ALDH1L1: variants seen among roughly 807,000 people sequenced by gnomAD.
ALDH1L1 encodes the protein cytosolic 10-formyltetrahydrofolate dehydrogenase.
A neutral mutation model predicts 101.1 loss-of-function variants in ALDH1L1; 68 were observed. That is an observed-to-expected ratio of 0.67 (90% confidence interval 0.55 to 0.82). ALDH1L1 has a LOEUF of 0.82. Ranked by LOEUF, ALDH1L1 falls within the 40% of genes least tolerant of loss-of-function variation. The pLI, the probability that ALDH1L1 is intolerant of heterozygous loss-of-function variation, is 0.00. For synonymous variants in ALDH1L1, 486 were observed against 470.8 expected, an observed-to-expected ratio of 1.03 and a Z score of -0.42; for missense variants, 1,087 against 1,172.7, an observed-to-expected ratio of 0.93 and a Z score of 1.07.
chr3:126,180,994 G>A, upstream of ALDH1L1: 1 of 1,608,852 alleles, frequency 6.2e-7, no homozygotes, highest in South Asian at 1.1e-5. Flanking sequence ...CAGAGCGAAA[G>A]GAGACGCTGC....
intron 9 of ALDH1L1, among the ~76,000 whole-genome samples, chr3:126,144,488 G>T (rs1167538065): frequency 6.6e-6 from 1 of 152,178 alleles, no homozygotes; most frequent in African/African-American, 2.4e-5. Context: ...AAAATAGTAT[G>T]ATACTGGCAT....
intron 19 of ALDH1L1, among the ~76,000 whole-genome samples, chr3:126,111,888 G>A (rs1946090858): frequency 6.6e-6 from 1 of 152,184 alleles, no homozygotes; most frequent in Non-Finnish European, 1.5e-5. Flanking sequence ...TCCCCCCCTG[G>A]TATCATGGCC....
chr3:126,129,208 G>A (rs1170705689), intron 14 of ALDH1L1: 2 of 152,262 alleles, frequency 1.3e-5, no homozygotes, highest in African/African-American at 4.8e-5. Flanking sequence ...TTTCCCACAG[G>A]AGCCTCCTCC....
chr3:126,172,758 C>T (rs1489666917), intron 1 of ALDH1L1, among the ~76,000 whole-genome samples: 1 of 151,208 alleles, frequency 6.6e-6, no homozygotes, highest in Non-Finnish European at 1.5e-5. Context: ...TAAAGATCAC[C>T]CCCCACCCCC....
chr3:126,109,839 G>T lies in ALDH1L1; in HGVS notation c.2347+105C>A. The T allele has an allele frequency of 2.0e-6, 3 of 1,495,166 alleles. No individual in the cohort carries two copies. In the South Asian group the frequency reaches 3.8e-5, roughly 19 times the overall value. 92.6% of individuals were successfully genotyped at this position (1,495,166 alleles called of 1,614,324 possible). A position where few individuals can be genotyped will look rare whatever the true frequency, so the allele number is the denominator to read the frequency against. ...GATGGGGCTGCAGCCTGACTGTGTAGGTACCTGGCCTTCAGATGTCTCCAG... is the reference window on the plus strand; with the variant it reads ...GATGGGGCTGCAGCCTGACTGTGTATGTACCTGGCCTTCAGATGTCTCCAG... On this transcript the variant is annotated intron_variant, in intron 20 of 22. Transcript: ENST00000393434.
chr3:126,132,938 C>T (rs1483865439), intron 12 of ALDH1L1, among the ~76,000 whole-genome samples: 2 of 152,214 alleles, frequency 1.3e-5, no homozygotes, highest in Non-Finnish European at 1.5e-5. Flanking sequence ...AGCGAGGCCA[C>T]CCTGGGCAAG....
intron 1 of ALDH1L1, among the ~76,000 whole-genome samples, chr3:126,177,120 T>C (rs1297421954): frequency 6.6e-6 from 1 of 152,252 alleles, no homozygotes; most frequent in Non-Finnish European, 1.5e-5. Flanking sequence ...TGAAAAATTA[T>C]GCCACCACTA....
intron 9 of ALDH1L1, among the ~76,000 whole-genome samples, chr3:126,141,120 T>C (rs545054733): frequency 6.6e-6 from 1 of 152,074 alleles, no homozygotes; most frequent in South Asian, 2.1e-4. Flanking sequence ...ATGCAAATAG[T>C]AACATAAAAG....
upstream of ALDH1L1, among the ~76,000 whole-genome samples, chr3:126,182,326 T>C (rs922546349): frequency 6.6e-6 from 1 of 152,146 alleles, no homozygotes; most frequent in African/African-American, 2.4e-5. Context: ...TTTGTATTTT[T>C]AGTAGACGTT....
chr3:126,121,553 T>C (rs184722580), intron 16 of ALDH1L1, among the ~76,000 whole-genome samples: 1 of 152,336 alleles, frequency 6.6e-6, no homozygotes, highest in East Asian at 1.9e-4. Flanking sequence ...AGTGCATTTC[T>C]GGAAGGCCAG....
chr3:126,155,710 T>C, intron 4 of ALDH1L1: 2 of 496,738 alleles, frequency 4.0e-6, no homozygotes, highest in Non-Finnish European at 7.1e-6. Flanking sequence ...CCGTCCTCTC[T>C]ACCTGGCAAA....
At chr3:126,194,406 T>C (rs973616670) in intron 1 of ALDH1L1, among the ~76,000 whole-genome samples, 3 of 152,200 alleles carry the variant, frequency 2.0e-5, no homozygotes, top group African/African-American at 2.4e-5. Context: ...AAAGACTATT[T>C]TGAAGCTGAA....
chr3:126,136,788 C>G lies in ALDH1L1; in HGVS notation c.1320G>C (p.Glu440Asp). Residue 440 changes from glutamate (E) to aspartate (D), a missense_variant, in exon 11 of 23, where the codon GAG (glutamate) becomes GAC (aspartate). Physicochemically the swap from Glu to Asp is conservative, Grantham distance 45. Around this residue, in one of 2 missense-constraint regions of ALDH1L1, gnomAD observed 645 missense variants for 637.0 expected, o/e 1.01. Transcript: ENST00000393434. ...FVDAEGAKTS[E>D]TINPTDGSVI... ...CACTTCCATCGGTGGGATTGATGGT[C>G]TCAGAGGTCTTGGCGCCCTCGGCAT... 6.3e-7 allele frequency: 1 copy of G among 1,583,452 alleles called. No individual in the cohort carries two copies. Among genetic ancestry groups the G allele is most frequent in the Non-Finnish European group, 8.6e-7 (1 of 1,164,056 alleles).
intron 16 of ALDH1L1, among the ~76,000 whole-genome samples, chr3:126,119,393 T>G (rs2080036898): frequency 6.6e-6 from 1 of 152,240 alleles, no homozygotes; most frequent in Non-Finnish European, 1.5e-5. Context: ...GGGTTCTCCA[T>G]TTCAGTAAAC....
At chr3:126,143,443 A>C (rs1348132050) in intron 9 of ALDH1L1, among the ~76,000 whole-genome samples, 1 of 152,228 alleles carries the variant, frequency 6.6e-6, no homozygotes, top group Non-Finnish European at 1.5e-5. Context: ...TCTCAATTTA[A>C]AAACGTATGA....
At chr3:126,153,640 G>C (rs947760409) in intron 6 of ALDH1L1, 59 bp from the exon 7 acceptor site, 1 of 1,573,954 alleles carries the variant, frequency 6.4e-7, no homozygotes, top group African/African-American at 1.3e-5. Context: ...GAAGCCAGTA[G>C]CCCAGGCAGG....
chr3:126,112,641 C>G (rs563870381), intron 19 of ALDH1L1, 141 bp downstream of exon 19: 2 of 727,116 alleles, frequency 2.8e-6, no homozygotes, highest in Non-Finnish European at 4.6e-6. Context: ...GCTGTGGGTT[C>G]CCTGACCCCC....
At chr3:126,149,451 A>T (rs1418948066) in intron 8 of ALDH1L1, among the ~76,000 whole-genome samples, 1 of 152,238 alleles carries the variant, frequency 6.6e-6, no homozygotes, top group Non-Finnish European at 1.5e-5. Context: ...TGTGGGCTCC[A>T]GGAGGGCTGT....
At chr3:126,136,728 G>C in intron 11 of ALDH1L1, 36 bp downstream of exon 11, 3 of 1,553,926 alleles carry the variant, frequency 1.9e-6, no homozygotes, top group South Asian at 1.2e-5. Flanking sequence ...AGGGAGGCTG[G>C]GGAATGTGGA....
Sources: allele counts gnomAD v4.1 joint callset (sites outside exome capture counted in the v4.1 genomes callset), GRCh38; gene constraint gnomAD v4.1.1; regional missense constraint gnomAD v4.1.1; transcripts MANE v1.5; gene names NCBI Gene and HGNC (gene_info 2026-07-23, HGNC 2026-07-21).